NCALD: variants seen among roughly 807,000 people sequenced by gnomAD.
The protein encoded by NCALD is neurocalcin-delta.
Under a neutral mutation model 18.6 loss-of-function variants are expected in NCALD, and 10 were observed. The observed-to-expected ratio is 0.54, with a 90% CI of 0.33 to 0.91. The LOEUF (loss-of-function observed/expected upper bound fraction) is 0.91. Ranked by LOEUF, NCALD falls within the 40% of genes least tolerant of loss-of-function variation. The pLI, the probability that NCALD is intolerant of heterozygous loss-of-function variation, is 0.03. For synonymous variants in NCALD, 88 were observed against 87.4 expected (o/e 1.01, Z -0.04); for missense variants, 184 against 247.6 (o/e 0.74, Z 1.72).
chr8:101,858,209 A>G (rs1273056014), intron 4 of NCALD, among the ~76,000 whole-genome samples: 3 of 152,198 alleles, frequency 2.0e-5, no homozygotes, highest in Admixed American at 1.3e-4. Flanking sequence ...GAGAAGAGAG[A>G]TATCAACAAA....
chr8:101,824,674 T>C (rs545649841), intron 4 of NCALD, among the ~76,000 whole-genome samples: 51 of 152,212 alleles, frequency 3.4e-4, no homozygotes, highest in African/African-American at 1.1e-3. Flanking sequence ...ATCTTGACAA[T>C]AACATTATGA....
intron 2 of NCALD, among the ~76,000 whole-genome samples, chr8:101,719,003 T>C (rs1816221290): frequency 6.6e-6 from 1 of 152,200 alleles, no homozygotes. Context: ...CAGAACATTT[T>C]TAAATGCACC....
intron 1 of NCALD, among the ~76,000 whole-genome samples, chr8:102,069,829 A>G (rs544791074): frequency 4.7e-4 from 71 of 152,358 alleles, no homozygotes; most frequent in Admixed American, 1.4e-3. Flanking sequence ...AGTAATTGTA[A>G]TTAGGCCTGG....
intron 1 of NCALD, among the ~76,000 whole-genome samples, chr8:102,021,773 A>G (rs1008940523): frequency 3.9e-5 from 6 of 152,186 alleles, no homozygotes; most frequent in African/African-American, 1.4e-4. Flanking sequence ...GTTTTTTGAT[A>G]CATAGAAGTT....
At chr8:101,982,072 T>A (rs1820639951) in intron 2 of NCALD, among the ~76,000 whole-genome samples, 1 of 152,186 alleles carries the variant, frequency 6.6e-6, no homozygotes, top group Non-Finnish European at 1.5e-5. Flanking sequence ...CATCATATGA[T>A]GTGCTTGCTC....
intron 4 of NCALD, among the ~76,000 whole-genome samples, chr8:101,825,812 C>T (rs1176898657): frequency 6.6e-6 from 1 of 152,178 alleles, no homozygotes; most frequent in Non-Finnish European, 1.5e-5. Flanking sequence ...CTCAACTCTG[C>T]CACTGTAGCA....
chr8:101,990,629 T>G (rs970255224), intron 2 of NCALD, among the ~76,000 whole-genome samples: 1 of 152,194 alleles, frequency 6.6e-6, no homozygotes, highest in Non-Finnish European at 1.5e-5. Context: ...AGTTTTCTTC[T>G]CTTGTCTGCC....
intron 1 of NCALD, among the ~76,000 whole-genome samples, chr8:102,063,279 C>T (rs750750836): frequency 5.3e-5 from 8 of 152,128 alleles, no homozygotes; most frequent in African/African-American, 1.7e-4. Flanking sequence ...CCCCATTTCC[C>T]GAACATTTTT....
At chr8:102,035,264 T>C (rs1413407466) in intron 1 of NCALD, among the ~76,000 whole-genome samples, 1 of 152,202 alleles carries the variant, frequency 6.6e-6, no homozygotes, top group South Asian at 2.1e-4. Context: ...GGACTCTTCC[T>C]GTAATAACAA....
In NCALD at chr8:101,950,645, A is replaced by G. The variant is rs140280600; in HGVS notation, c.-156-34787T>C. ...GTGGAATGTGGGCAGAGTACAGTGA[A>G]CAAAGCCTGAGCTTGGGCTATAAAA... On this transcript the variant is annotated intron_variant, in intron 2 of 6. Coordinates refer to the NCALD transcript ENST00000311028. Among the ~76,000 whole-genome samples, 1,004 of 152,338 alleles carry G rather than the reference A, an allele frequency of 6.6e-3. 10 individuals carry two copies. The highest frequency in any genetic ancestry group is 0.011 in the Non-Finnish European group (757 of 68,028).
chr8:102,105,460 T>G (rs908029587), intron 1 of NCALD, among the ~76,000 whole-genome samples: 3 of 152,192 alleles, frequency 2.0e-5, no homozygotes. Flanking sequence ...CAGCTTGTGT[T>G]GCCTTTCTCA....
chr8:101,930,515 G>A (rs541571156), intron 2 of NCALD, among the ~76,000 whole-genome samples: 12 of 151,876 alleles, frequency 7.9e-5, no homozygotes, highest in African/African-American at 2.7e-4. Context: ...CAGTGCCTCC[G>A]GCGCAGCACT....
chr8:101,894,403 G>A (rs1196733857), intron 3 of NCALD, among the ~76,000 whole-genome samples: 2,004 of 127,410 alleles, frequency 0.016, 13 homozygotes, highest in African/African-American at 0.049. Context: ...GCCCACAAGA[G>A]AAAGCAGGAA....
chr8:101,692,431 T>C, intron 3 of NCALD: 1 of 985,416 alleles, frequency 1.0e-6, no homozygotes, highest in Non-Finnish European at 1.2e-6. Flanking sequence ...TCTCCCCATT[T>C]TGATGAACTG....
intron 1 of NCALD, among the ~76,000 whole-genome samples, chr8:101,752,799 T>C (rs1201108916): frequency 6.6e-6 from 1 of 152,184 alleles, no homozygotes; most frequent in Non-Finnish European, 1.5e-5. Context: ...AAATGTCAAA[T>C]GATGTATGCA....
chr8:101,983,836 G>A (rs1221906947), intron 2 of NCALD, among the ~76,000 whole-genome samples: 1 of 152,198 alleles, frequency 6.6e-6, no homozygotes, highest in Non-Finnish European at 1.5e-5. Context: ...GTGCTCCTCT[G>A]TGAAAGGCAC....
intron 4 of NCALD, among the ~76,000 whole-genome samples, chr8:101,816,435 G>A (rs1813499177): frequency 6.6e-6 from 1 of 152,104 alleles, no homozygotes; most frequent in East Asian, 1.9e-4. Flanking sequence ...AACAGGCCTT[G>A]TAAAAATAAT....
At chr8:101,736,278 C>A (rs1809911339) in intron 1 of NCALD, among the ~76,000 whole-genome samples, 1 of 152,176 alleles carries the variant, frequency 6.6e-6, no homozygotes, top group African/African-American at 2.4e-5. Context: ...ATAGCATCAT[C>A]AATCTTGATA....
At chr8:101,832,418 A>G (rs1399219804) in intron 4 of NCALD, among the ~76,000 whole-genome samples, 1 of 152,194 alleles carries the variant, frequency 6.6e-6, no homozygotes, top group African/African-American at 2.4e-5. Context: ...GATTCTCCCC[A>G]TCTTGGCTTC....
Sources: allele counts gnomAD v4.1 joint callset (sites outside exome capture counted in the v4.1 genomes callset), GRCh38; gene constraint gnomAD v4.1.1; transcripts MANE v1.5; gene names NCBI Gene and HGNC (gene_info 2026-07-23, HGNC 2026-07-21).